Variants in MBL2 observed in about 807,000 individuals in gnomAD.
MBL2 encodes mannose binding lectin 2.
MBL2 carries 6 observed loss-of-function variants against 12.7 expected under a neutral mutation model. The observed-to-expected ratio is 0.47, with a 90% CI of 0.26 to 0.94. The LOEUF (loss-of-function observed/expected upper bound fraction) is 0.94, where lower values mean the gene tolerates loss of function less well. MBL2 is among the 40% of genes least tolerant of loss of function. The pLI, the probability that MBL2 is intolerant of heterozygous loss-of-function variation, is 0.15. For missense variants in MBL2, 307 were observed against 295.2 expected (o/e 1.04, Z -0.29); for synonymous variants, 114 against 112.0 (o/e 1.02, Z -0.11).
At chr10:52,769,387 G>T in intron 3 of MBL2, 72 bp from the exon 4 acceptor site, 3 of 785,732 alleles carry the variant, frequency 3.8e-6, no homozygotes, top group South Asian at 1.9e-5. Flanking sequence ...ACAAGGGAGT[G>T]GAGTATCTTT....
At position 52,770,749 on chromosome 10, in the gene MBL2, C is replaced by T; in HGVS notation, c.225G>A (p.Lys75=). 6.6e-7 allele frequency: 1 copy of T among 1,519,944 alleles called. No homozygotes were observed. The highest frequency in any genetic ancestry group is 1.4e-5 in the African/African-American group (1 of 71,370). The allele number at this position is 1,519,944 out of a possible 1,614,324, so 94.2% of individuals were successfully genotyped here. ...GCCCTGGATTTCCTGGAGGCCCCAA[C>T]TTTCCAGGGGGGCCCTGTAAGCCTC... The part of the protein sequence containing the change: ...GLRGLQGPPG[K]LGPPGNPGPS... The change falls in exon 3 of 5, where the codon AAG becomes AAA. Residue 75 remains lysine (K), a synonymous_variant. Coordinates refer to ENST00000674931, the MANE Select transcript of MBL2 (RefSeq NM_001378373.1).
chr10:52,771,415 A>C (rs1840389561), intron 2 of MBL2, 34 bp downstream of exon 2: 1 of 1,603,990 alleles, frequency 6.2e-7, no homozygotes, highest in Admixed American at 1.7e-5. Flanking sequence ...CTGGAAGGTA[A>C]AGAATTGCAG....
rs202135976 is a variant in MBL2, at chr10:52,769,303, C to A, written c.317G>T (p.Ser106Ile). 1.9e-6 allele frequency: 3 copies of A among 1,610,060 alleles called. No homozygotes were observed. The highest frequency in any genetic ancestry group is 2.2e-5 in the East Asian group (1 of 44,838). The change falls in exon 4 of 5, where the codon AGC (serine) becomes ATC (isoleucine). Residue 106 changes from serine to isoleucine, a missense_variant. Coordinates refer to ENST00000674931, the MANE Select transcript of MBL2 (RefSeq NM_001378373.1). ...DPGKSPDGDS[S>I]LAASERKALQ... Reference sequence around the variant, plus strand: ...AGCTTTTCTTTCTGAGGCAGCCAGGCTACTATCACCATCTAGAAAATTAGA... The same window carrying A: ...AGCTTTTCTTTCTGAGGCAGCCAGGATACTATCACCATCTAGAAAATTAGA...
At chr10:52,770,567 G>A (rs1357919164) in intron 3 of MBL2, 103 bp downstream of exon 3, 6 of 655,344 alleles carry the variant, frequency 9.2e-6, no homozygotes, top group Non-Finnish European at 1.2e-5. Flanking sequence ...AGCAAATTTG[G>A]GTATCTTCCT....
rs1344557772 is a variant in MBL2 at position 52,766,674 on chromosome 10, CTT to C, written c.*1461_*1462del. ...TGAAAGAAAATATGAATAAATAAGA[CTT>C]TCTCAAAATTAGGAAATTTTGTTCA... On this transcript the variant is annotated 3_prime_UTR_variant, in exon 5 of 5. Transcript: ENST00000674931. 1 of 152,012 alleles carries C rather than the reference CTT, an allele frequency of 6.6e-6. No homozygotes were observed. The highest frequency in any genetic ancestry group is 1.5e-5 in the Non-Finnish European group (1 of 67,988). The allele number at this position is 152,012 out of a possible 1,614,324, so 9.4% of individuals were successfully genotyped here. A position where few individuals can be genotyped will look rare whatever the true frequency, so the allele number is the denominator to read the frequency against.
In MBL2 at chr10:52,767,810, T is replaced by C. The variant is rs1189231163; in HGVS notation, c.*327A>G. 1 of 186,002 alleles carries C rather than the reference T, an allele frequency of 5.4e-6. No individual in the cohort carries two copies. Among genetic ancestry groups the C allele is most frequent in the Admixed American group, 5.8e-5 (1 of 17,224 alleles). The allele number at this position is 186,002 out of a possible 1,614,324, so 11.5% of individuals were successfully genotyped here. A position where few individuals can be genotyped will look rare whatever the true frequency, so the allele number is the denominator to read the frequency against. On this transcript the variant is annotated 3_prime_UTR_variant, in exon 5 of 5. Coordinates refer to ENST00000674931, the MANE Select transcript of MBL2 (RefSeq NM_001378373.1). The stretch of plus-strand genomic sequence containing the variant: ...TGTTTGTTGTAAATGGAAAAATAAA[T>C]CCGTCTTATTTTCATACTGCAGCAA...
chr10:52,769,358 GC>G, intron 3 of MBL2, 43 bp from the exon 4 acceptor site: 1 of 1,289,944 alleles, frequency 7.8e-7, no homozygotes, highest in Non-Finnish European at 1.1e-6. Flanking sequence ...TTGAGAAGGA[GC>G]CTCAGAACTG....
chr10:52,768,099 C>A lies in MBL2; in HGVS notation c.*38G>T, dbSNP rs766212532. 5 of 1,547,538 alleles carry A rather than the reference C, an allele frequency of 3.2e-6. No homozygotes were observed. Among genetic ancestry groups the A allele is most frequent in the Non-Finnish European group, 4.4e-6 (5 of 1,147,156 alleles). ...AAGCATACTGTGGGCCTGTGGGTTG[C>A]AGTAAAAAGACAAGGAGGGCCTGAG... On this transcript the variant is annotated 3_prime_UTR_variant, in exon 5 of 5. Coordinates refer to ENST00000674931, the MANE Select transcript of MBL2 (RefSeq NM_001378373.1).
intron 1 of MBL2, 87 bp downstream of exon 1, chr10:52,772,650 G>C: frequency 1.3e-6 from 1 of 757,130 alleles, no homozygotes; most frequent in Admixed American, 6.3e-5. Context: ...CCCACCCCTA[G>C]AAAGCCTCCT....
chr10:52,771,211 C>G (rs1840386880), intron 2 of MBL2, among the ~76,000 whole-genome samples: 1 of 152,112 alleles, frequency 6.6e-6, no homozygotes, highest in African/African-American at 2.4e-5. Context: ...AAAATTCATC[C>G]TGTGTCCCAC....
rs765762469 is a variant in MBL2 at position 52,770,670 on chromosome 10, C to T, written c.304G>A (p.Asp102Asn). ...GCTCAGACCTTGCTGGGGTCCTTAC[C>T]CGGACTTTTTCCAGGGTCTCCTTTT... ...GQKGDPGKSP[D>N]GDSSLAASER... Residue 102 changes from aspartate to asparagine, a missense_variant and splice_region_variant, in exon 3 of 5, where the codon GAT becomes AAT. Transcript: ENST00000674931. 6.1e-6 allele frequency: 9 copies of T among 1,466,460 alleles called. No homozygotes were observed. The Admixed American group carries it at 6.7e-5, about 11-fold the overall frequency. 90.8% of individuals were successfully genotyped at this position (1,466,460 alleles called of 1,614,324 possible). A position where few individuals can be genotyped will look rare whatever the true frequency, so the allele number is the denominator to read the frequency against.
intron 1 of MBL2, among the ~76,000 whole-genome samples, chr10:52,772,301 T>C (rs971931236): frequency 6.6e-6 from 1 of 152,188 alleles, no homozygotes; most frequent in African/African-American, 2.4e-5. Flanking sequence ...TCTTACTACG[T>C]TGGCCCTGGC....
At chr10:52,771,839 T>A (rs1356262711) in intron 1 of MBL2, 195 bp from the exon 2 acceptor site, 2 of 724,762 alleles carry the variant, frequency 2.8e-6, no homozygotes, top group African/African-American at 1.8e-5. Context: ...AGGTAGGCAC[T>A]ATGATGAGCA....
At position 52,769,301 on chromosome 10, in the gene MBL2, G is replaced by A; in HGVS notation, c.319C>T (p.Leu107=). The A allele has an allele frequency of 6.2e-7, 1 of 1,610,782 alleles. No individual in the cohort carries two copies. Among genetic ancestry groups the A allele is most frequent in the Non-Finnish European group, 8.5e-7 (1 of 1,178,260 alleles). ...AGAGCTTTTCTTTCTGAGGCAGCCA[G>A]GCTACTATCACCATCTAGAAAATTA... ...PGKSPDGDSS[L]AASERKALQT... Residue 107 remains leucine, a synonymous_variant, in exon 4 of 5, where the codon CTG becomes TTG. Transcript: ENST00000674931.
chr10:52,772,136 AGG>A (rs1840404098), intron 1 of MBL2, among the ~76,000 whole-genome samples: 2 of 152,186 alleles, frequency 1.3e-5, no homozygotes, highest in African/African-American at 2.4e-5. Flanking sequence ...ACTCATTGGC[AGG>A]CCCTGAGCTG....
intron 1 of MBL2, among the ~76,000 whole-genome samples, chr10:52,772,219 G>A (rs1205486240): frequency 6.6e-6 from 1 of 152,178 alleles, no homozygotes; most frequent in African/African-American, 2.4e-5. Context: ...ACCCAGCCCA[G>A]AATTAACTGG....
chr10:52,771,537 A>T lies in MBL2; in HGVS notation c.99T>A (p.Pro33=), dbSNP rs1840392728. 1.2e-6 allele frequency: 2 copies of T among 1,613,952 alleles called. No individual in the cohort carries two copies. The highest frequency in any genetic ancestry group is 2.2e-5 in the South Asian group (2 of 91,076). The change falls in exon 2 of 5, where the codon CCT becomes CCA. Residue 33 remains proline, a synonymous_variant. Transcript: ENST00000674931. Reference sequence around the variant, plus strand: ...CTGGAGAGCTACAGGCAATCACTGCAGGGCAGGTCTTTTGGGCATCCTCAC... The same window carrying T: ...CTGGAGAGCTACAGGCAATCACTGCTGGGCAGGTCTTTTGGGCATCCTCAC... The part of the protein sequence containing the change: ...VTCEDAQKTC[P]AVIACSSPGI...
In MBL2 at chr10:52,765,720, T is replaced by A. The variant is rs1322258504; in HGVS notation, c.*2417A>T. 1 of 152,158 alleles carries A rather than the reference T, an allele frequency of 6.6e-6. No individual in the cohort carries two copies. The highest frequency in any genetic ancestry group is 1.5e-5 in the Non-Finnish European group (1 of 68,026). 9.4% of individuals were successfully genotyped at this position (152,158 alleles called of 1,614,324 possible). The stretch of plus-strand genomic sequence containing the variant: ...AGATAGGCCTGACTGGAGCACTTCA[T>A]TATATTGTCTTTCAGGAGTCTATAC... On this transcript the variant is annotated 3_prime_UTR_variant, in exon 5 of 5. Transcript: ENST00000674931.
chr10:52,769,966 A>G lies in MBL2; in HGVS notation c.305-651T>C, dbSNP rs35829470. Among the ~76,000 whole-genome samples the G allele has an allele frequency of 9.4e-3, 1,425 of 152,338 alleles. 17 individuals are homozygous for G. Among genetic ancestry groups the G allele is most frequent in the African/African-American group, 0.031 (1,309 of 41,582 alleles). ...CTGGCCTTGTGACTTGTTTTGACCAATACAGTCTGACAGAAATGATAATGT... is the reference window on the plus strand; with the variant it reads ...CTGGCCTTGTGACTTGTTTTGACCAGTACAGTCTGACAGAAATGATAATGT... On this transcript the variant is annotated intron_variant, in intron 3 of 4. Transcript: ENST00000674931.
Sources: allele counts gnomAD v4.1 joint callset (sites outside exome capture counted in the v4.1 genomes callset), GRCh38; gene constraint gnomAD v4.1.1; transcripts MANE v1.5; gene names NCBI Gene and HGNC (gene_info 2026-07-23, HGNC 2026-07-21).